Variants in ADAMTSL1 observed in about 807,000 individuals in gnomAD.
ADAMTSL1 encodes ADAMTS like 1, also known as ADAMTS-like protein 1.
In ADAMTSL1, 126 loss-of-function variants were observed where a neutral mutation model predicts 201.8. The observed-to-expected ratio is 0.62, with a 90% CI of 0.54 to 0.72. ADAMTSL1 has a LOEUF of 0.72. ADAMTSL1 is among the 30% of genes least tolerant of loss of function. The pLI is 0.00. For synonymous variants in ADAMTSL1, 1,121 were observed against 903.4 expected (o/e 1.24, Z -4.32); for missense variants, 2,679 against 2,277.8 (o/e 1.18, Z -3.59).
intron 2 of ADAMTSL1, among the ~76,000 whole-genome samples, chr9:18,240,336 T>C (rs960877391): frequency 7.9e-6 from 1 of 126,310 alleles, no homozygotes; most frequent in Non-Finnish European, 1.6e-5. Flanking sequence ...TGTTTTAAAA[T>C]GAATCTTTTT....
At chr9:18,817,016 G>C in intron 20 of ADAMTSL1, 93 bp from the exon 21 acceptor site, 2 of 1,478,020 alleles carry the variant, frequency 1.4e-6, no homozygotes, top group Non-Finnish European at 1.8e-6. Flanking sequence ...GGGTAGACCA[G>C]CCATGCATTG....
At chr9:18,081,491 AACAT>A (rs1823497991) in intron 1 of ADAMTSL1, among the ~76,000 whole-genome samples, 1 of 152,202 alleles carries the variant, frequency 6.6e-6, no homozygotes, top group African/African-American at 2.4e-5. Flanking sequence ...AGTCCTATTA[AACAT>A]TTAACAAGTC....
chr9:18,215,642 T>C (rs191072886), intron 2 of ADAMTSL1, among the ~76,000 whole-genome samples: 2 of 152,364 alleles, frequency 1.3e-5, no homozygotes, highest in Admixed American at 1.3e-4. Context: ...TAGACTATTT[T>C]ATTTAATGGT....
chr9:18,295,120 G>A (rs1219675114), intron 2 of ADAMTSL1, among the ~76,000 whole-genome samples: 1 of 152,074 alleles, frequency 6.6e-6, no homozygotes, highest in African/African-American at 2.4e-5. Context: ...CAACCTGTAT[G>A]CTGCACTATA....
intron 1 of ADAMTSL1, among the ~76,000 whole-genome samples, chr9:18,474,840 T>G (rs1371715011): frequency 6.6e-6 from 1 of 152,198 alleles, no homozygotes; most frequent in Non-Finnish European, 1.5e-5. Context: ...TAGAAGTTAA[T>G]GCTAGGATTT....
intron 19 of ADAMTSL1, among the ~76,000 whole-genome samples, 193 bp downstream of exon 19, chr9:18,778,099 T>G (rs1821170691): frequency 6.6e-6 from 1 of 152,254 alleles, no homozygotes; most frequent in South Asian, 2.1e-4. Flanking sequence ...TATTTCATTT[T>G]TCTAAACTGT....
chr9:18,198,974 T>C (rs189846904), intron 2 of ADAMTSL1, among the ~76,000 whole-genome samples: 13,546 of 139,398 alleles, frequency 0.097, 941 homozygotes, highest in Middle Eastern at 0.23. Flanking sequence ...ATGGATGACA[T>C]TGGAAATCAT....
At chr9:17,964,589 C>G (rs1225229012) in intron 1 of ADAMTSL1, among the ~76,000 whole-genome samples, 1 of 152,032 alleles carries the variant, frequency 6.6e-6, no homozygotes, top group African/African-American at 2.4e-5. Flanking sequence ...CATAGGTACA[C>G]ACAAATGAGT....
intron 2 of ADAMTSL1, among the ~76,000 whole-genome samples, chr9:18,508,666 A>G (rs1564005722): frequency 6.6e-6 from 1 of 152,224 alleles, no homozygotes; most frequent in Non-Finnish European, 1.5e-5. Context: ...AGCATTCATT[A>G]AACTTTCAGT....
chr9:18,027,097 T>C (rs1805404235), intron 1 of ADAMTSL1, among the ~76,000 whole-genome samples: 1 of 151,482 alleles, frequency 6.6e-6, no homozygotes. Flanking sequence ...GTCTTCTCTT[T>C]TTTTTTTTTT....
chr9:18,639,334 A>T lies in ADAMTSL1; in HGVS notation c.757A>T (p.Ser253Cys). The T allele has an allele frequency of 6.2e-7, 1 of 1,613,036 alleles. No individual in the cohort carries two copies. The highest frequency in any genetic ancestry group is 8.5e-7 in the Non-Finnish European group (1 of 1,179,328). Residue 253 changes from serine to cysteine, a missense_variant, in exon 7 of 29, where the codon AGT becomes TGT. Ser to Cys is a moderately radical substitution (Grantham distance 112). Coordinates refer to ENST00000380548, the MANE Select transcript of ADAMTSL1 (RefSeq NM_001040272.6). ...STGTFLVDNS[S>C]VDFQKFPDKE... is the part of the protein sequence containing the mutation. The stretch of plus-strand genomic sequence containing the variant: ...AGGAACTTTCCTTGTGGACAATTCT[A>T]GTGTGGACTTCCAGAAATTTCCAGA...
chr9:18,483,095 T>A (rs1821811190), intron 1 of ADAMTSL1, among the ~76,000 whole-genome samples: 1 of 152,238 alleles, frequency 6.6e-6, no homozygotes, highest in South Asian at 2.1e-4. Flanking sequence ...GTGACCTCAG[T>A]TGACTGGTAT....
At chr9:18,643,094 C>T (rs975544483) in intron 7 of ADAMTSL1, among the ~76,000 whole-genome samples, 1 of 151,924 alleles carries the variant, frequency 6.6e-6, no homozygotes, top group Admixed American at 6.6e-5. Flanking sequence ...CCAATACTTA[C>T]CTTTTGTCTT....
intron 19 of ADAMTSL1, 34 bp from the exon 20 acceptor site, chr9:18,795,363 T>C (rs780068819): frequency 6.2e-7 from 1 of 1,612,458 alleles, no homozygotes; most frequent in South Asian, 1.1e-5. Flanking sequence ...TCAACTGACT[T>C]GACCAGGTCT....
At chr9:18,711,481 T>G (rs578201524) in intron 14 of ADAMTSL1, among the ~76,000 whole-genome samples, 1 of 152,126 alleles carries the variant, frequency 6.6e-6, no homozygotes, top group African/African-American at 2.4e-5. Flanking sequence ...AAGAAAGGGG[T>G]GACAGACGGC....
At chr9:18,346,604 A>C (rs150760176) in intron 2 of ADAMTSL1, among the ~76,000 whole-genome samples, 5 of 152,310 alleles carry the variant, frequency 3.3e-5, no homozygotes, top group African/African-American at 9.6e-5. Flanking sequence ...CTCCCCCAGG[A>C]GTATAGAAAG....
chr9:18,565,128 A>G (rs1307955351), intron 3 of ADAMTSL1, among the ~76,000 whole-genome samples: 1 of 152,230 alleles, frequency 6.6e-6, no homozygotes, highest in South Asian at 2.1e-4. Context: ...TAGAGCAAGG[A>G]AGGTGGGATT....
At chr9:18,366,449 C>T (rs1836771437) in intron 2 of ADAMTSL1, among the ~76,000 whole-genome samples, 1 of 151,894 alleles carries the variant, frequency 6.6e-6, no homozygotes, top group Non-Finnish European at 1.5e-5. Context: ...CATTTGTAAG[C>T]ATCATCATAT....
chr9:18,000,356 C>A (rs1819562056), intron 1 of ADAMTSL1, among the ~76,000 whole-genome samples: 1 of 151,884 alleles, frequency 6.6e-6, no homozygotes, highest in African/African-American at 2.4e-5. Context: ...TCCTTCCCCC[C>A]AACATAATTA....
Sources: gnomAD v4.1 joint callset for allele counts (sites outside exome capture counted in the v4.1 genomes callset) on GRCh38, gnomAD v4.1.1 for gene constraint, MANE v1.5 for transcripts, NCBI Gene and HGNC (gene_info 2026-07-23, HGNC 2026-07-21) for gene names.